TTC1: variants seen among roughly 807,000 people sequenced by gnomAD.
TTC1 encodes the protein tetratricopeptide repeat protein 1.
TTC1 carries 31 observed loss-of-function variants against 37.6 expected under a neutral mutation model. The observed-to-expected ratio is 0.82, with a 90% CI of 0.62 to 1.11. The LOEUF (loss-of-function observed/expected upper bound fraction) is 1.11, where lower values mean the gene tolerates loss of function less well. Among genes scored for constraint, TTC1 ranks in the 50% most tolerant of loss-of-function variants. TTC1 has a pLI of 0.00. For synonymous variants in TTC1, 127 were observed against 122.4 expected (o/e 1.04, Z -0.25); for missense variants, 351 against 339.0 (o/e 1.04, Z -0.28).
chr5:160,041,197 C>G (rs1002357037), intron 4 of TTC1, among the ~76,000 whole-genome samples: 2 of 151,708 alleles, frequency 1.3e-5, no homozygotes, highest in Non-Finnish European at 2.9e-5. Flanking sequence ...TGACAGTACA[C>G]TTTTTTTTAG....
chr5:160,039,158 G>GC (rs1328500012), intron 4 of TTC1: 9 of 152,142 alleles, frequency 5.9e-5, no homozygotes, highest in African/African-American at 2.2e-4. Flanking sequence ...CTGACTCAGT[G>GC]CCCCTGGCCA....
At chr5:160,050,622 CAA>C (rs1228902165) in intron 6 of TTC1, among the ~76,000 whole-genome samples, 1 of 128,968 alleles carries the variant, frequency 7.8e-6, no homozygotes, top group Admixed American at 9.1e-5. Context: ...CAGAGCCAAA[CAA>C]AACTTTTTTT....
intron 7 of TTC1, among the ~76,000 whole-genome samples, chr5:160,056,708 G>A (rs552345279): frequency 6.6e-6 from 1 of 152,270 alleles, no homozygotes; most frequent in Admixed American, 6.5e-5. Flanking sequence ...GGGCAACAGA[G>A]TGAAACCCTG....
chr5:160,010,117 G>A (rs1756468725), intron 1 of TTC1, among the ~76,000 whole-genome samples: 1 of 152,044 alleles, frequency 6.6e-6, no homozygotes, highest in African/African-American at 2.4e-5. Flanking sequence ...TCTGGGCCAG[G>A]CGCGGTGGCA....
intron 7 of TTC1, among the ~76,000 whole-genome samples, chr5:160,061,640 A>G (rs1753408258): frequency 6.6e-6 from 1 of 151,986 alleles, no homozygotes; most frequent in Non-Finnish European, 1.5e-5. Flanking sequence ...TCTCATTTAG[A>G]AAGCAGAATT....
chr5:160,045,033 G>C (rs889519182), intron 5 of TTC1, among the ~76,000 whole-genome samples: 2 of 152,150 alleles, frequency 1.3e-5, no homozygotes, highest in Non-Finnish European at 2.9e-5. Flanking sequence ...TGAATGTACT[G>C]TTTTGTTTGG....
intron 1 of TTC1, 85 bp downstream of exon 1, chr5:160,009,278 C>T (rs1240525533): frequency 6.6e-6 from 1 of 152,182 alleles, no homozygotes; most frequent in Non-Finnish European, 1.5e-5. Flanking sequence ...GGCATCACTT[C>T]CCTAACTGTA....
intron 5 of TTC1, among the ~76,000 whole-genome samples, chr5:160,044,685 C>T (rs1462707321): frequency 6.6e-6 from 1 of 152,184 alleles, no homozygotes; most frequent in Non-Finnish European, 1.5e-5. Context: ...CTTTGGCCAG[C>T]CTCTTTACTG....
intron 6 of TTC1, among the ~76,000 whole-genome samples, chr5:160,050,009 G>A (rs1311568816): frequency 1.3e-5 from 2 of 152,166 alleles, no homozygotes; most frequent in African/African-American, 4.8e-5. Flanking sequence ...GAAGGCAGAG[G>A]TTGCAGTGAG....
intron 4 of TTC1, among the ~76,000 whole-genome samples, chr5:160,040,787 A>T (rs1461287392): frequency 2.7e-5 from 4 of 150,272 alleles, no homozygotes; most frequent in East Asian, 2.0e-4. Context: ...TTTTTTTTTT[A>T]ATTTTTTTAG....
intron 7 of TTC1, among the ~76,000 whole-genome samples, chr5:160,054,916 A>G (rs946617112): frequency 6.6e-6 from 1 of 152,256 alleles, no homozygotes; most frequent in African/African-American, 2.4e-5. Flanking sequence ...GCTACCCTGA[A>G]GCTCCTCTGC....
chr5:160,011,021 CAG>C (rs1386068235), intron 2 of TTC1, among the ~76,000 whole-genome samples, 163 bp downstream of exon 2: 1 of 152,140 alleles, frequency 6.6e-6, no homozygotes, highest in Non-Finnish European at 1.5e-5. Flanking sequence ...GGTGGCGTGA[CAG>C]GGAAGCACTT....
At chr5:160,041,679 G>T (rs183454222) in intron 4 of TTC1, among the ~76,000 whole-genome samples, 1 of 152,202 alleles carries the variant, frequency 6.6e-6, no homozygotes, top group African/African-American at 2.4e-5. Context: ...ACCAACACCT[G>T]AGTAGTAGGT....
chr5:160,036,763 C>T lies in TTC1; in HGVS notation c.464C>T (p.Ser155Leu), dbSNP rs535766239. The T allele has an allele frequency of 4.3e-6, 7 of 1,613,770 alleles. No individual in the cohort carries two copies. The highest frequency in any genetic ancestry group is 4.5e-5 in the East Asian group (2 of 44,868). Residue 155 changes from serine to leucine, a missense_variant, in exon 4 of 8, where the codon TCG becomes TTG. Transcript: ENST00000231238. The part of the protein sequence containing the change: ...MCPSCFQKER[S>L]ILFSNRAAAR... ...CCATCCTGCTTCCAAAAGGAGAGGT[C>T]GATTCTATTTTCAAATAGAGCTGCA...
intron 2 of TTC1, among the ~76,000 whole-genome samples, chr5:160,027,587 T>C (rs1218721280): frequency 6.6e-6 from 1 of 152,254 alleles, no homozygotes; most frequent in African/African-American, 2.4e-5. Context: ...CATTTCCTCC[T>C]GTGGTTTTGA....
At chr5:160,019,915 TTTG>T (rs1313397930) in intron 2 of TTC1, among the ~76,000 whole-genome samples, 2 of 151,986 alleles carry the variant, frequency 1.3e-5, no homozygotes, top group African/African-American at 2.4e-5. Context: ...TTGTTTTCTT[TTTG>T]TTGTTGTTGT....
At chr5:160,053,415 T>C (rs892753124) in intron 7 of TTC1, among the ~76,000 whole-genome samples, 1 of 152,008 alleles carries the variant, frequency 6.6e-6, no homozygotes, top group Admixed American at 6.6e-5. Flanking sequence ...ACTAAAAAAA[T>C]TAGCCAGGTG....
rs537919204 is a variant in TTC1, at chr5:160,010,113, C to T, written c.-29-387C>T. Among the ~76,000 whole-genome samples, 5 of 152,126 alleles carry T rather than the reference C, an allele frequency of 3.3e-5. No individual in the cohort carries two copies. The East Asian group carries it at 9.7e-4, about 29-fold the overall frequency. ...TTTGTTGCTTTTAAGAAGTTCTGGGCCAGGCGCGGTGGCAGGCGCCTGTAA... is the reference window on the plus strand; with the variant it reads ...TTTGTTGCTTTTAAGAAGTTCTGGGTCAGGCGCGGTGGCAGGCGCCTGTAA... On this transcript the variant is annotated intron_variant, in intron 1 of 7. Coordinates refer to ENST00000231238, the MANE Select transcript of TTC1 (RefSeq NM_003314.3).
chr5:160,015,593 G>GT (rs1561624636), intron 2 of TTC1, among the ~76,000 whole-genome samples: 1 of 152,202 alleles, frequency 6.6e-6, no homozygotes, highest in Non-Finnish European at 1.5e-5. Context: ...CAGAGAGGGC[G>GT]TGGCAGCTCT....
Sources: allele counts gnomAD v4.1 joint callset (sites outside exome capture counted in the v4.1 genomes callset), GRCh38; gene constraint gnomAD v4.1.1; transcripts MANE v1.5; gene names NCBI Gene and HGNC (gene_info 2026-07-23, HGNC 2026-07-21).